RELN: variants seen among roughly 807,000 people sequenced by gnomAD.
RELN encodes reelin.
RELN carries 108 observed loss-of-function variants against 427.6 expected under a neutral mutation model. The observed-to-expected ratio is 0.25, with a 90% CI of 0.22 to 0.30. The LOEUF (loss-of-function observed/expected upper bound fraction) is 0.30. Among genes scored for constraint, RELN ranks in the 10% least tolerant of loss-of-function variants. RELN has a pLI of 1.00. For missense variants in RELN, 3,715 were observed against 4,302.8 expected (o/e 0.86, Z 3.82); for synonymous variants, 1,524 against 1,513.4 (o/e 1.01, Z -0.16).
At chr7:103,524,259 A>T (rs556532525) in intron 46 of RELN, among the ~76,000 whole-genome samples, 14 of 152,284 alleles carry the variant, frequency 9.2e-5, no homozygotes, top group African/African-American at 3.4e-4. Context: ...AGCCCTCTGC[A>T]TTTGGCTTGG....
chr7:103,715,916 T>C (rs1789925600), intron 8 of RELN, among the ~76,000 whole-genome samples: 1 of 152,220 alleles, frequency 6.6e-6, no homozygotes, highest in Non-Finnish European at 1.5e-5. Context: ...CCAGGGCCCA[T>C]GTAAACTACA....
intron 2 of RELN, among the ~76,000 whole-genome samples, chr7:103,915,707 G>T (rs1301276477): frequency 6.6e-6 from 1 of 152,004 alleles, no homozygotes; most frequent in Non-Finnish European, 1.5e-5. Context: ...ATCCTAGAAG[G>T]TCTTATTCCA....
At chr7:103,585,066 T>C (rs898021315) in intron 28 of RELN, among the ~76,000 whole-genome samples, 1 of 152,036 alleles carries the variant, frequency 6.6e-6, no homozygotes, top group Non-Finnish European at 1.5e-5. Flanking sequence ...GCAAAAGCAG[T>C]GCTAAAAGTT....
At chr7:103,587,538 A>G (rs1831305417) in intron 28 of RELN, among the ~76,000 whole-genome samples, 1 of 152,208 alleles carries the variant, frequency 6.6e-6, no homozygotes, top group South Asian at 2.1e-4. Flanking sequence ...GACTCTGTTA[A>G]ACTAAAAAGC....
intron 6 of RELN, among the ~76,000 whole-genome samples, chr7:103,741,678 G>A (rs1475958350): frequency 6.9e-6 from 1 of 144,764 alleles, no homozygotes; most frequent in Admixed American, 7.0e-5. Context: ...AAGAAGGGAA[G>A]GGAAAAGACA....
intron 45 of RELN, 125 bp from the exon 46 acceptor site, chr7:103,535,609 TA>T: frequency 1.2e-6 from 1 of 823,574 alleles, no homozygotes; most frequent in East Asian, 2.6e-5. Flanking sequence ...TCCCTACACT[TA>T]TATTTCCTGC....
At chr7:103,571,484 T>C (rs908332803) in intron 31 of RELN, among the ~76,000 whole-genome samples, 1 of 152,146 alleles carries the variant, frequency 6.6e-6, no homozygotes, top group African/African-American at 2.4e-5. Flanking sequence ...CAGTATAGTA[T>C]GATGGTTATG....
intron 1 of RELN, among the ~76,000 whole-genome samples, chr7:103,919,368 G>C (rs1180142521): frequency 1.3e-5 from 2 of 152,030 alleles, no homozygotes; most frequent in Non-Finnish European, 2.9e-5. Flanking sequence ...GTGAACCCAT[G>C]AGCAGTATAA....
chr7:103,684,735 G>T (rs1416181089), intron 10 of RELN, among the ~76,000 whole-genome samples: 1 of 152,070 alleles, frequency 6.6e-6, no homozygotes, highest in Non-Finnish European at 1.5e-5. Context: ...TAGAGGTGTT[G>T]TTAGTGGCAC....
intron 2 of RELN, among the ~76,000 whole-genome samples, chr7:103,915,213 A>C (rs547712839): frequency 6.6e-6 from 1 of 152,034 alleles, no homozygotes; most frequent in South Asian, 2.1e-4. Context: ...ACCTTTAGTT[A>C]ATAATCTCTA....
chr7:103,715,648 C>T (rs1789918963), intron 8 of RELN, among the ~76,000 whole-genome samples: 1 of 152,136 alleles, frequency 6.6e-6, no homozygotes, highest in Non-Finnish European at 1.5e-5. Context: ...TTCTCCCTTC[C>T]AGTCCTATCC....
At chr7:103,724,396 A>C (rs1562972813) in intron 7 of RELN, among the ~76,000 whole-genome samples, 1 of 152,104 alleles carries the variant, frequency 6.6e-6, no homozygotes. Context: ...TTGGGATGTG[A>C]ATATTAAAAG....
chr7:103,832,419 CACA>C (rs368545822), intron 3 of RELN, among the ~76,000 whole-genome samples: 2,149 of 152,058 alleles, frequency 0.014, 44 homozygotes, highest in African/African-American at 0.048. Flanking sequence ...AAAACAAAAA[CACA>C]AAAAAAACAA....
chr7:103,852,545 T>C (rs1367252620), intron 2 of RELN, among the ~76,000 whole-genome samples: 1 of 152,178 alleles, frequency 6.6e-6, no homozygotes, highest in Non-Finnish European at 1.5e-5. Flanking sequence ...TATGTAAATG[T>C]TGACTATTAC....
At chr7:103,564,520 C>T (rs1272384950) in intron 34 of RELN, among the ~76,000 whole-genome samples, 1 of 152,168 alleles carries the variant, frequency 6.6e-6, no homozygotes, top group East Asian at 1.9e-4. Context: ...GGAGCTAGAG[C>T]CACAGAAGTT....
chr7:103,913,875 A>G (rs909792744), intron 2 of RELN, among the ~76,000 whole-genome samples: 2 of 152,180 alleles, frequency 1.3e-5, no homozygotes, highest in African/African-American at 4.8e-5. Flanking sequence ...TATTATCAGA[A>G]CTTAATAAAA....
chr7:103,517,583 A>AC (rs1379326354), intron 49 of RELN, among the ~76,000 whole-genome samples: 1 of 152,174 alleles, frequency 6.6e-6, no homozygotes. Flanking sequence ...TCAGGAACTC[A>AC]CACTTGAGGT....
At chr7:103,520,954 GTTATTTTTT>G (rs1829687281) in intron 48 of RELN, among the ~76,000 whole-genome samples, 4 of 78,216 alleles carry the variant, frequency 5.1e-5, no homozygotes, top group Admixed American at 3.0e-4. Context: ...CAGTAAATTT[GTTATTTTTT>G]TTTTTTTTTT....
At chr7:103,558,487 C>G (rs912067969) in intron 36 of RELN, among the ~76,000 whole-genome samples, 4 of 152,268 alleles carry the variant, frequency 2.6e-5, no homozygotes, top group Admixed American at 1.3e-4. Context: ...TAGGAACTTA[C>G]TACTCCTTTG....
Sources: allele counts gnomAD v4.1 joint callset (sites outside exome capture counted in the v4.1 genomes callset), GRCh38; gene constraint gnomAD v4.1.1; transcripts MANE v1.5; gene names NCBI Gene and HGNC (gene_info 2026-07-23, HGNC 2026-07-21).